The following MAP4 variants were observed in gnomAD, a reference collection of about 807,000 sequenced individuals.
MAP4 encodes the protein microtubule associated protein 4.
In MAP4, 76 loss-of-function variants were observed where a neutral mutation model predicts 170.2. The observed-to-expected ratio is 0.45, with a 90% CI of 0.37 to 0.54. The LOEUF is 0.54. MAP4 is among the 20% of genes least tolerant of loss of function. MAP4 has a pLI of 0.00. For missense variants in MAP4, 2,506 were observed against 2,748.0 expected (o/e 0.91, Z 1.97); for synonymous variants, 909 against 994.5 (o/e 0.91, Z 1.62).
At chr3:48,018,204 C>G (rs2100108769), upstream of MAP4, among the ~76,000 whole-genome samples, 1 of 152,112 alleles carries the variant, frequency 6.6e-6, no homozygotes, top group Admixed American at 6.6e-5. Flanking sequence ...GGGTTGGGGA[C>G]CCCCCACTGT....
chr3:47,917,326 G>A lies in MAP4; in HGVS notation c.653-152C>T, dbSNP rs892456288. 20 of 663,508 alleles carry A rather than the reference G, an allele frequency of 3.0e-5. No individual in the cohort carries two copies. In the African/African-American group the frequency reaches 3.3e-4, roughly 11 times the overall value. The allele number at this position is 663,508 out of a possible 1,614,324, so 41.1% of individuals were successfully genotyped here. A position where few individuals can be genotyped will look rare whatever the true frequency, so the allele number is the denominator to read the frequency against. ...TGTTAGGCCGGGCACAGTGGCTCAC[G>A]CCTGTAATCCCAGAACTTTGGGAGG... On this transcript the variant is annotated intron_variant, in intron 6 of 20. Coordinates refer to ENST00000683076, the MANE Select transcript of MAP4 (RefSeq NM_001385682.1).
At chr3:47,891,853 GC>G in intron 10 of MAP4, 1 of 1,536,236 alleles carries the variant, frequency 6.5e-7, no homozygotes, top group Non-Finnish European at 8.7e-7. Flanking sequence ...TCACTGGGCA[GC>G]CAGGGGTGAT....
chr3:47,914,948 A>G lies in MAP4; in HGVS notation c.1877-9T>C, dbSNP rs547032442. 14 of 1,614,074 alleles carry G rather than the reference A, an allele frequency of 8.7e-6. No homozygotes were observed. The highest frequency in any genetic ancestry group is 1.2e-5 in the Non-Finnish European group (14 of 1,180,018). On this transcript the variant is annotated splice_polypyrimidine_tract_variant and intron_variant, in intron 7 of 20. Transcript: ENST00000683076. The stretch of plus-strand genomic sequence containing the variant: ...CGTTCCTGTGACGGTTTCTAAAGGT[A>G]ATAACAAAAGCCACACACGTTTCAG...
At chr3:47,865,404 G>A (rs1359436464) in intron 17 of MAP4, among the ~76,000 whole-genome samples, 3 of 152,150 alleles carry the variant, frequency 2.0e-5, no homozygotes, top group Admixed American at 2.0e-4. Flanking sequence ...TCCTATTCCA[G>A]GCTGACTAAT....
At chr3:48,029,525 G>C (rs1362441034) in intron 1 of MAP4, among the ~76,000 whole-genome samples, 1 of 152,052 alleles carries the variant, frequency 6.6e-6, no homozygotes, top group Admixed American at 6.6e-5. Context: ...TTTTGTCAAT[G>C]ACCTGAAAAG....
chr3:47,959,867 T>C (rs1285789943), intron 3 of MAP4, among the ~76,000 whole-genome samples: 1 of 151,990 alleles, frequency 6.6e-6, no homozygotes, highest in African/African-American at 2.4e-5. Flanking sequence ...TTTTGGCCAT[T>C]TTTATTTTTT....
intron 4 of MAP4, among the ~76,000 whole-genome samples, chr3:47,923,169 T>A (rs1361419909): frequency 6.6e-6 from 1 of 152,116 alleles, no homozygotes; most frequent in Non-Finnish European, 1.5e-5. Flanking sequence ...AAAATAAAGA[T>A]TGCTGGTTCC....
intron 1 of MAP4, among the ~76,000 whole-genome samples, chr3:48,044,471 T>A (rs1018114047): frequency 2.0e-5 from 3 of 151,194 alleles, no homozygotes; most frequent in African/African-American, 7.3e-5. Flanking sequence ...CTGTAATTTT[T>A]AAAAAATTTT....
intron 1 of MAP4, among the ~76,000 whole-genome samples, chr3:48,065,936 T>C (rs1257089995): frequency 2.0e-5 from 3 of 151,946 alleles, no homozygotes; most frequent in South Asian, 2.1e-4. Flanking sequence ...ATGGGCAACA[T>C]AGTAAGACCC....
At chr3:48,040,380 T>C (rs2100121007) in intron 1 of MAP4, among the ~76,000 whole-genome samples, 1 of 152,120 alleles carries the variant, frequency 6.6e-6, no homozygotes, top group Non-Finnish European at 1.5e-5. Context: ...GCCATTCTCC[T>C]GCCTCAGCCT....
chr3:47,860,391 G>C (rs1001746978), intron 17 of MAP4, among the ~76,000 whole-genome samples: 1 of 152,164 alleles, frequency 6.6e-6, no homozygotes, highest in East Asian at 1.9e-4. Flanking sequence ...AAGGGGTTTC[G>C]CCAAGTGGCC....
intron 3 of MAP4, among the ~76,000 whole-genome samples, chr3:47,976,069 C>T (rs371044658): frequency 2.2e-4 from 34 of 152,292 alleles, no homozygotes; most frequent in Admixed American, 7.8e-4. Flanking sequence ...GGATTACAGG[C>T]GTGAGCCACC....
chr3:47,874,459 G>C (rs552729411), intron 12 of MAP4, among the ~76,000 whole-genome samples: 1 of 151,912 alleles, frequency 6.6e-6, no homozygotes, highest in East Asian at 1.9e-4. Context: ...ACAGAGCGAG[G>C]CTCCATCTCA....
chr3:47,998,343 G>A (rs2100097125), intron 2 of MAP4, among the ~76,000 whole-genome samples: 2 of 152,148 alleles, frequency 1.3e-5, no homozygotes, highest in South Asian at 4.1e-4. Flanking sequence ...ACTTTTCAAA[G>A]CTACTTTCAG....
intron 1 of MAP4, among the ~76,000 whole-genome samples, chr3:48,079,033 T>C (rs1238583544): frequency 6.6e-6 from 1 of 152,002 alleles, no homozygotes; most frequent in African/African-American, 2.4e-5. Context: ...TGGCTGGGCA[T>C]GGTGGCACGT....
intron 1 of MAP4, among the ~76,000 whole-genome samples, chr3:48,059,387 C>A (rs553741536): frequency 6.6e-6 from 1 of 151,018 alleles, no homozygotes; most frequent in Non-Finnish European, 1.5e-5. Flanking sequence ...TGGTGGCGTG[C>A]GCCTGTAGTC....
chr3:47,854,104 T>C (rs1051135082), intron 19 of MAP4, among the ~76,000 whole-genome samples: 2 of 151,960 alleles, frequency 1.3e-5, no homozygotes, highest in Non-Finnish European at 2.9e-5. Context: ...TAGTGAGAAA[T>C]AGGCCTCGAT....
At chr3:47,968,442 G>A in intron 3 of MAP4, among the ~76,000 whole-genome samples, 1 of 152,146 alleles carries the variant, frequency 6.6e-6, no homozygotes, top group Admixed American at 6.5e-5. Context: ...GTAAACAGAA[G>A]ATTGGGGAAT....
chr3:48,074,248 A>G (rs2100142499), intron 1 of MAP4, among the ~76,000 whole-genome samples: 1 of 142,758 alleles, frequency 7.0e-6, no homozygotes. Context: ...CATAGGTGGG[A>G]ATTGAACAAT....
Sources: allele counts gnomAD v4.1 joint callset (sites outside exome capture counted in the v4.1 genomes callset), GRCh38; gene constraint gnomAD v4.1.1; transcripts MANE v1.5; gene names NCBI Gene and HGNC (gene_info 2026-07-23, HGNC 2026-07-21).